RAB3C: variants seen among roughly 807,000 people sequenced by gnomAD.
The protein encoded by RAB3C is RAB3C, member RAS oncogene family.
Under a neutral mutation model 26.4 loss-of-function variants are expected in RAB3C, and 17 were observed. That is an observed-to-expected ratio of 0.64 (90% CI 0.44 to 0.97). RAB3C has a LOEUF of 0.97. Among genes scored for constraint, RAB3C ranks in the 50% least tolerant of loss-of-function variants. RAB3C has a pLI of 0.00. For missense variants in RAB3C, 242 were observed against 281.9 expected, an observed-to-expected ratio of 0.86 and a Z score of 1.01; for synonymous variants, 91 against 95.9, an observed-to-expected ratio of 0.95 and a Z score of 0.30.
chr5:58,839,506 G>A (rs1484584066), intron 4 of RAB3C, among the ~76,000 whole-genome samples: 2 of 151,938 alleles, frequency 1.3e-5, no homozygotes, highest in Admixed American at 1.3e-4. Context: ...AAGTAGCTAG[G>A]ATTACAGGCA....
intron 2 of RAB3C, among the ~76,000 whole-genome samples, chr5:58,673,415 C>T (rs1433129673): frequency 3.3e-5 from 5 of 150,698 alleles, no homozygotes; most frequent in East Asian, 2.0e-4. Flanking sequence ...AAGTGGGGAG[C>T]GGTTTCTTTC....
At chr5:58,841,543 G>T (rs1255097532) in intron 4 of RAB3C, among the ~76,000 whole-genome samples, 5 of 152,122 alleles carry the variant, frequency 3.3e-5, no homozygotes, top group Non-Finnish European at 7.4e-5. Context: ...GCTCACAGGG[G>T]TGTGAGGTAT....
At position 58,626,921 on chromosome 5, in the gene RAB3C, A is replaced by T. The variant is rs528357317; in HGVS notation, c.252+9051A>T. ...AGTAATGATATATACAAGCATATTG[A>T]CAAGGTGGCATATCTTCTGGATTGC... On this transcript the variant is annotated intron_variant, in intron 2 of 4. Coordinates refer to ENST00000282878, the MANE Select transcript of RAB3C (RefSeq NM_138453.4). Among the ~76,000 whole-genome samples, 11 of 152,254 alleles carry T rather than the reference A, an allele frequency of 7.2e-5. No individual in the cohort carries two copies. In the South Asian group the frequency reaches 2.3e-3, roughly 32 times the overall value.
chr5:58,691,200 C>T (rs559096183), intron 2 of RAB3C, among the ~76,000 whole-genome samples: 1 of 152,176 alleles, frequency 6.6e-6, no homozygotes, highest in East Asian at 1.9e-4. Context: ...CATAGGGCTA[C>T]TAAAAGTACA....
intron 2 of RAB3C, among the ~76,000 whole-genome samples, chr5:58,706,005 G>C (rs540498334): frequency 6.6e-6 from 1 of 152,092 alleles, no homozygotes; most frequent in Admixed American, 6.6e-5. Flanking sequence ...TACATTTTTG[G>C]TACATCCAGT....
At chr5:58,745,269 G>A (rs1167482960) in intron 3 of RAB3C, among the ~76,000 whole-genome samples, 1 of 151,130 alleles carries the variant, frequency 6.6e-6, no homozygotes, top group Non-Finnish European at 1.5e-5. Flanking sequence ...ATAGTGGCGG[G>A]TGCCTGTGGT....
chr5:58,846,656 G>A (rs1343283352), intron 4 of RAB3C, among the ~76,000 whole-genome samples: 1 of 152,012 alleles, frequency 6.6e-6, no homozygotes, highest in East Asian at 1.9e-4. Flanking sequence ...TGGGATTACA[G>A]GTGTGAGCTA....
At chr5:58,677,862 G>A (rs1461937890) in intron 2 of RAB3C, among the ~76,000 whole-genome samples, 1 of 152,156 alleles carries the variant, frequency 6.6e-6, no homozygotes. Context: ...AATGAATACA[G>A]TTCCTGTGAC....
chr5:58,598,324 C>T lies in RAB3C; in HGVS notation c.24+15092C>T, dbSNP rs149026697. On this transcript the variant is annotated intron_variant, in intron 1 of 4. Transcript: ENST00000282878. Reference sequence around the variant, plus strand: ...ATTGAAATAATGATATTGTAGACTTCGGTGATTTTCCAAATTCAGTATCAG... The same window carrying T: ...ATTGAAATAATGATATTGTAGACTTTGGTGATTTTCCAAATTCAGTATCAG... 1.9e-3 allele frequency among the ~76,000 whole-genome samples: 292 copies of T among 151,262 alleles called. 2 individuals are homozygous for T. The highest frequency in any genetic ancestry group is 6.5e-3 in the African/African-American group (267 of 41,208).
intron 2 of RAB3C, among the ~76,000 whole-genome samples, chr5:58,676,470 TC>T (rs773015359): frequency 6.6e-5 from 10 of 151,836 alleles, no homozygotes; most frequent in Non-Finnish European, 1.5e-4. Context: ...GCCATTGTGC[TC>T]CAATGTGGGC....
chr5:58,774,234 A>C (rs1317053393), intron 3 of RAB3C, among the ~76,000 whole-genome samples: 1 of 152,188 alleles, frequency 6.6e-6, no homozygotes, highest in Non-Finnish European at 1.5e-5. Flanking sequence ...ACCTGGTATC[A>C]GATCTATCCT....
chr5:58,583,772 G>A (rs978403552), intron 1 of RAB3C, among the ~76,000 whole-genome samples: 10 of 152,134 alleles, frequency 6.6e-5, no homozygotes, highest in Non-Finnish European at 1.3e-4. Flanking sequence ...ATCGGGGCTT[G>A]GCATATCCCT....
intron 4 of RAB3C, among the ~76,000 whole-genome samples, chr5:58,843,829 A>G (rs1381012534): frequency 6.6e-6 from 1 of 152,240 alleles, no homozygotes; most frequent in Non-Finnish European, 1.5e-5. Flanking sequence ...TAGTCACGTC[A>G]TAACTAAAAA....
intron 2 of RAB3C, among the ~76,000 whole-genome samples, chr5:58,667,534 G>A (rs1226850592): frequency 6.6e-6 from 1 of 152,132 alleles, no homozygotes; most frequent in East Asian, 1.9e-4. Flanking sequence ...TGTTGCCTAG[G>A]AAGAGTATAT....
At chr5:58,847,736 C>T (rs1005328762) in intron 4 of RAB3C, among the ~76,000 whole-genome samples, 4 of 152,160 alleles carry the variant, frequency 2.6e-5, no homozygotes, top group African/African-American at 4.8e-5. Context: ...ATCTAAACTA[C>T]TAAATGCTAA....
At chr5:58,656,659 T>G (rs1443308858) in intron 2 of RAB3C, among the ~76,000 whole-genome samples, 1 of 152,014 alleles carries the variant, frequency 6.6e-6, no homozygotes, top group Non-Finnish European at 1.5e-5. Context: ...CTCTAAAAGA[T>G]AGGTTAAGTG....
chr5:58,702,768 G>A (rs1466659642), intron 2 of RAB3C, among the ~76,000 whole-genome samples: 1 of 152,022 alleles, frequency 6.6e-6, no homozygotes, highest in Non-Finnish European at 1.5e-5. Flanking sequence ...AAATACAGAA[G>A]AATAAACAGA....
At chr5:58,849,106 A>C (rs1396619355) in intron 4 of RAB3C, among the ~76,000 whole-genome samples, 1 of 152,138 alleles carries the variant, frequency 6.6e-6, no homozygotes, top group Non-Finnish European at 1.5e-5. Context: ...ATTTGATAAA[A>C]CCTTGTGTGG....
At chr5:58,693,275 TAA>T (rs1280291646) in intron 2 of RAB3C, among the ~76,000 whole-genome samples, 3 of 143,270 alleles carry the variant, frequency 2.1e-5, no homozygotes, top group Non-Finnish European at 3.0e-5. Context: ...ATAATTAAGA[TAA>T]AGTTATAATT....
Sources: allele counts gnomAD v4.1 joint callset (sites outside exome capture counted in the v4.1 genomes callset), GRCh38; gene constraint gnomAD v4.1.1; transcripts MANE v1.5; gene names NCBI Gene and HGNC (gene_info 2026-07-23, HGNC 2026-07-21).